PDSS2: variants seen among roughly 807,000 people sequenced by gnomAD.
PDSS2 encodes the protein all trans-polyprenyl-diphosphate synthase PDSS2.
A neutral mutation model predicts 44.5 loss-of-function variants in PDSS2; 31 were observed. The ratio of observed to expected loss-of-function variants is 0.70; its 90% confidence interval spans 0.52 to 0.94. PDSS2 has a LOEUF of 0.94. Among genes scored for constraint, PDSS2 ranks in the 40% least tolerant of loss-of-function variants. The probability of loss-of-function intolerance (pLI) is 0.00; values close to 1 mark genes in which losing one functional copy is unlikely to be tolerated. For synonymous variants in PDSS2, 157 were observed against 180.3 expected (o/e 0.87, Z 1.03); for missense variants, 452 against 482.2 (o/e 0.94, Z 0.59).
At chr6:107,413,460 C>G (rs1780565773) in intron 1 of PDSS2, among the ~76,000 whole-genome samples, 1 of 152,154 alleles carries the variant, frequency 6.6e-6, no homozygotes, top group South Asian at 2.1e-4. Context: ...TTCTTAAGCT[C>G]GGGAGATCAG....
chr6:107,308,431 G>A (rs1199181924), intron 2 of PDSS2, among the ~76,000 whole-genome samples: 1 of 152,136 alleles, frequency 6.6e-6, no homozygotes, highest in Non-Finnish European at 1.5e-5. Context: ...GTGTGAGTAT[G>A]TATTCTTTCT....
At chr6:107,338,032 A>T (rs527677046) in intron 1 of PDSS2, among the ~76,000 whole-genome samples, 16 of 152,322 alleles carry the variant, frequency 1.1e-4, no homozygotes, top group African/African-American at 3.8e-4. Context: ...AGTAAATTAA[A>T]TAACTGTTTC....
At chr6:107,202,276 C>T (rs532029495) in intron 6 of PDSS2, among the ~76,000 whole-genome samples, 4 of 152,186 alleles carry the variant, frequency 2.6e-5, no homozygotes, top group African/African-American at 7.2e-5. Context: ...TGGCCTCAAG[C>T]AATCCTCCCG....
At chr6:107,313,098 T>C (rs1030135595) in intron 2 of PDSS2, among the ~76,000 whole-genome samples, 2 of 152,202 alleles carry the variant, frequency 1.3e-5, no homozygotes, top group African/African-American at 4.8e-5. Flanking sequence ...ATCTAGGAGC[T>C]GCCTAATTTT....
intron 1 of PDSS2, among the ~76,000 whole-genome samples, chr6:107,378,264 C>T (rs925424886): frequency 4.0e-5 from 6 of 149,524 alleles, no homozygotes; most frequent in Non-Finnish European, 8.9e-5. Context: ...CTAGATCTTT[C>T]AGCAGGTATA....
In PDSS2 at chr6:107,172,869, A is replaced by C. The variant is rs1261056905; in HGVS notation, c.1042-18092T>G. ...GGCTGGGCACGGCAGCTCACGCTTG[A>C]AATCCCAGCACTTTGGGAGGCCGAG... On this transcript the variant is annotated intron_variant, in intron 7 of 7. Transcript: ENST00000369037. 6.6e-5 allele frequency among the ~76,000 whole-genome samples: 10 copies of C among 151,446 alleles called. No homozygotes were observed. The East Asian group carries it at 2.0e-3, about 30-fold the overall frequency.
At chr6:107,433,517 G>T (rs1484039972) in intron 1 of PDSS2, among the ~76,000 whole-genome samples, 1 of 152,200 alleles carries the variant, frequency 6.6e-6, no homozygotes, top group East Asian at 1.9e-4. Context: ...ATGCATTGGG[G>T]AAAGGACAGT....
rs574694630 is a variant in PDSS2 at position 107,296,203 on chromosome 6, C to T, written c.432-21976G>A. Among the ~76,000 whole-genome samples the T allele has an allele frequency of 2.0e-5, 3 of 152,264 alleles. No individual in the cohort carries two copies. In the South Asian group the frequency reaches 6.2e-4, roughly 32 times the overall value. ...TGAGACTTCAGGGCCATTTGCACTG[C>T]AGCATAACCTAGCCTACCCTAACAC... On this transcript the variant is annotated intron_variant, in intron 2 of 7. Transcript: ENST00000369037.
At chr6:107,315,092 T>A (rs1417599866) in intron 2 of PDSS2, among the ~76,000 whole-genome samples, 2 of 152,204 alleles carry the variant, frequency 1.3e-5, no homozygotes, top group Non-Finnish European at 2.9e-5. Context: ...ATATAATTTT[T>A]AAATAAATTT....
chr6:107,433,351 T>C (rs73514926), intron 1 of PDSS2, among the ~76,000 whole-genome samples: 4,093 of 151,616 alleles, frequency 0.027, 204 homozygotes, highest in African/African-American at 0.094. Flanking sequence ...AGGAATCACA[T>C]TACTGGCTTC....
intron 2 of PDSS2, among the ~76,000 whole-genome samples, chr6:107,302,000 A>C (rs1417136859): frequency 3.9e-5 from 6 of 151,986 alleles, no homozygotes; most frequent in Non-Finnish European, 7.4e-5. Context: ...TTAGGTAATA[A>C]AAAAGTTCTA....
At chr6:107,458,820 A>G (rs1782142182) in intron 1 of PDSS2, among the ~76,000 whole-genome samples, 170 bp downstream of exon 1, 1 of 152,222 alleles carries the variant, frequency 6.6e-6, no homozygotes, top group South Asian at 2.1e-4. Flanking sequence ...AAGAACGTTA[A>G]GTGGACTAGA....
At chr6:107,296,466 C>T (rs1261963322) in intron 2 of PDSS2, among the ~76,000 whole-genome samples, 1 of 152,134 alleles carries the variant, frequency 6.6e-6, no homozygotes, top group Non-Finnish European at 1.5e-5. Flanking sequence ...TGGCTCACGC[C>T]CGTAATCCCA....
At chr6:107,168,658 T>G (rs1244320123) in intron 7 of PDSS2, among the ~76,000 whole-genome samples, 4 of 151,404 alleles carry the variant, frequency 2.6e-5, no homozygotes, top group African/African-American at 4.9e-5. Context: ...AGGAGCTCTT[T>G]TAGGGCAGGC....
chr6:107,429,419 G>A (rs577434380), intron 1 of PDSS2, among the ~76,000 whole-genome samples: 2 of 152,258 alleles, frequency 1.3e-5, no homozygotes, highest in African/African-American at 4.8e-5. Flanking sequence ...GAGATTTCAA[G>A]GTTTGGTAGA....
chr6:107,221,393 C>T (rs1452411443), intron 4 of PDSS2, among the ~76,000 whole-genome samples: 3 of 140,336 alleles, frequency 2.1e-5, no homozygotes, highest in Non-Finnish European at 3.1e-5. Flanking sequence ...CATCAACTTA[C>T]ATATGTGCAG....
At chr6:107,198,257 C>T (rs538364953) in intron 6 of PDSS2, among the ~76,000 whole-genome samples, 10 of 152,104 alleles carry the variant, frequency 6.6e-5, no homozygotes, top group African/African-American at 1.9e-4. Context: ...TTGGGGATGA[C>T]GGCAGAGAAA....
intron 2 of PDSS2, among the ~76,000 whole-genome samples, chr6:107,296,900 A>T (rs1776527328): frequency 6.6e-6 from 1 of 152,262 alleles, no homozygotes; most frequent in African/African-American, 2.4e-5. Context: ...TTTATACCTC[A>T]TCACAAATTT....
chr6:107,164,152 T>C (rs1582719594), intron 7 of PDSS2, among the ~76,000 whole-genome samples: 1 of 131,170 alleles, frequency 7.6e-6, no homozygotes, highest in Non-Finnish European at 1.6e-5. Context: ...TTGTTTTGGG[T>C]TTATACTTAA....
Sources: gnomAD v4.1 joint callset for allele counts (sites outside exome capture counted in the v4.1 genomes callset) on GRCh38, gnomAD v4.1.1 for gene constraint, MANE v1.5 for transcripts, NCBI Gene and HGNC (gene_info 2026-07-23, HGNC 2026-07-21) for gene names.